The following C2CD5 variants were observed in gnomAD, a reference collection of about 807,000 sequenced individuals.
C2CD5 encodes the protein C2 calcium dependent domain containing 5, also known as C2 domain-containing protein 5.
A neutral mutation model predicts 130.3 loss-of-function variants in C2CD5; 109 were observed. The observed-to-expected ratio is 0.84, with a 90% confidence interval of 0.72 to 0.98. C2CD5 has a LOEUF of 0.98. Ranked by LOEUF, C2CD5 falls within the 50% of genes least tolerant of loss-of-function variation. The pLI, the probability that C2CD5 is intolerant of heterozygous loss-of-function variation, is 0.00. For missense variants in C2CD5, 996 were observed against 1,261.8 expected, an observed-to-expected ratio of 0.79 and a Z score of 3.19; for synonymous variants, 454 against 429.2, an observed-to-expected ratio of 1.06 and a Z score of -0.71.
Position 22,472,823 on chromosome 12 carries a change from A to T in C2CD5, c.2044-16T>A. 1 of 1,397,574 alleles carries T rather than the reference A, an allele frequency of 7.2e-7. No homozygotes were observed. Among genetic ancestry groups the T allele is most frequent in the Non-Finnish European group, 1.0e-6 (1 of 983,912 alleles). The allele number at this position is 1,397,574 out of a possible 1,614,324, so 86.6% of individuals were successfully genotyped here. A position where few individuals can be genotyped will look rare whatever the true frequency, so the allele number is the denominator to read the frequency against. On this transcript the variant is annotated splice_polypyrimidine_tract_variant and intron_variant, in intron 16 of 26. Coordinates refer to ENST00000446597, the MANE Select transcript of C2CD5 (RefSeq NM_001286176.2). Reference sequence around the variant, plus strand: ...TGTCATCAATCTTAAAATAGAGATTAAAACTATTTTATAAGTAGTAAATGC... The same window carrying T: ...TGTCATCAATCTTAAAATAGAGATTTAAACTATTTTATAAGTAGTAAATGC...
rs145941265 is a variant in C2CD5 at position 22,478,340 on chromosome 12, G to A, written c.1875C>T (p.Asn625=). The change falls in exon 15 of 27, where the codon AAC becomes AAT. Residue 625 remains asparagine, a synonymous_variant. Coordinates refer to ENST00000446597, the MANE Select transcript of C2CD5 (RefSeq NM_001286176.2). ...GAGGATTGATTTCATATAACTCTTT[G>A]TTTTTAGCAATTGTGTCATTTATCT... ...QKKINDTIAK[N]KELYEINPPE... is the part of the protein sequence containing the mutation. 4.5e-5 allele frequency: 73 copies of A among 1,612,686 alleles called. No individual in the cohort carries two copies. The East Asian group carries it at 9.2e-4, about 20-fold the overall frequency.
In C2CD5 at chr12:22,466,447, C is replaced by T. The variant is rs534844307; in HGVS notation, c.2533+3262G>A. ...ACAGAGAAATCTTTTGAGCATTTAT[C>T]CCTAACACTCTTACCTTCCTCTCTT... On this transcript the variant is annotated intron_variant, in intron 22 of 26. Coordinates refer to ENST00000446597, the MANE Select transcript of C2CD5 (RefSeq NM_001286176.2). Among the ~76,000 whole-genome samples the T allele has an allele frequency of 2.0e-5, 3 of 152,170 alleles. No homozygotes were observed. In the South Asian group the frequency reaches 6.2e-4, roughly 32 times the overall value.
rs763656127 is a variant in C2CD5 at position 22,544,176 on chromosome 12, G to C, written c.-26C>G. The C allele has an allele frequency of 3.1e-6, 5 of 1,608,952 alleles. No homozygotes were observed. The Admixed American group carries it at 8.3e-5, about 27-fold the overall frequency. On this transcript the variant is annotated 5_prime_UTR_variant, in exon 2 of 27. Coordinates refer to ENST00000446597, the MANE Select transcript of C2CD5 (RefSeq NM_001286176.2). ...GGTCTCGGTTTCGGCCTCTTCTTGG[G>C]CTCCTGCAGAAACAAACAAACGAGT...
intron 7 of C2CD5, among the ~76,000 whole-genome samples, chr12:22,520,224 A>G (rs954381762): frequency 2.0e-5 from 3 of 152,186 alleles, no homozygotes; most frequent in Non-Finnish European, 4.4e-5. Flanking sequence ...CATATGAATC[A>G]TATGTGAGTA....
intron 7 of C2CD5, among the ~76,000 whole-genome samples, chr12:22,520,020 T>C (rs557077386): frequency 1.8e-4 from 28 of 152,152 alleles, no homozygotes; most frequent in Non-Finnish European, 4.1e-4. Flanking sequence ...TATCTATGTG[T>C]GTGTATACTT....
chr12:22,523,645 C>G, intron 6 of C2CD5, 21 bp from the exon 7 acceptor site: 1 of 1,585,076 alleles, frequency 6.3e-7, no homozygotes, highest in Admixed American at 1.7e-5. Flanking sequence ...TGGGAAATCT[C>G]ATTCTTGCTT....
At chr12:22,452,668 T>C (rs1320702861) in intron 26 of C2CD5, among the ~76,000 whole-genome samples, 3 of 152,210 alleles carry the variant, frequency 2.0e-5, no homozygotes, top group Non-Finnish European at 2.9e-5. Context: ...AAGTTTAGTA[T>C]ACCGTGAGTT....
At chr12:22,542,361 G>T (rs1448101183) in intron 2 of C2CD5, among the ~76,000 whole-genome samples, 1 of 152,234 alleles carries the variant, frequency 6.6e-6, no homozygotes, top group African/African-American at 2.4e-5. Context: ...GCAGTGACCT[G>T]CATTCAGCTT....
In C2CD5 at chr12:22,529,246, T is replaced by C. The variant is rs112548403; in HGVS notation, c.178-1354A>G. ...ATTTTGAATCCCAATCCATTCCAAA[T>C]CATCTGTCATCCAATGGCATTCTCT... On this transcript the variant is annotated intron_variant, in intron 3 of 26. Coordinates refer to ENST00000446597, the MANE Select transcript of C2CD5 (RefSeq NM_001286176.2). 9.1e-3 allele frequency among the ~76,000 whole-genome samples: 1,386 copies of C among 152,262 alleles called. 27 individuals are homozygous for C. Among genetic ancestry groups the C allele is most frequent in the African/African-American group, 0.032 (1,312 of 41,532 alleles).
chr12:22,530,113 C>CATATATATAT (rs1463327783), intron 3 of C2CD5, among the ~76,000 whole-genome samples: 1 of 51,460 alleles, frequency 1.9e-5, no homozygotes, highest in Non-Finnish European at 3.9e-5. Context: ...TATATATATA[C>CATATATATAT]ACACACACAC....
intron 1 of C2CD5, 70 bp downstream of exon 1, chr12:22,544,250 A>T (rs1461021287): frequency 3.3e-6 from 4 of 1,222,442 alleles, no homozygotes; most frequent in Non-Finnish European, 3.4e-6. Context: ...CGCGCGGGGT[A>T]ACTGACAGCG....
chr12:22,523,464 G>A lies in C2CD5; in HGVS notation c.762C>T (p.Phe254=), dbSNP rs1484437978. 3 of 1,613,856 alleles carry A rather than the reference G, an allele frequency of 1.9e-6. No homozygotes were observed. The highest frequency in any genetic ancestry group is 1.1e-5 in the South Asian group (1 of 91,074). The change falls in exon 7 of 27, where the codon TTC becomes TTT. Residue 254 remains phenylalanine, a synonymous_variant. Transcript: ENST00000446597. ...TGGATGGGGAATTACATGCAGGAAGGAATGCTGCTGGGCTACTTAATTTAT... is the reference window on the plus strand; with the variant it reads ...TGGATGGGGAATTACATGCAGGAAGAAATGCTGCTGGGCTACTTAATTTAT... ...TLDKLSSPAA[F]LPACNSPSKE...
intron 13 of C2CD5, 91 bp from the exon 14 acceptor site, chr12:22,482,834 A>C (rs1944921362): frequency 2.3e-6 from 2 of 876,396 alleles, no homozygotes; most frequent in Non-Finnish European, 3.7e-6. Flanking sequence ...GTGCTGAATA[A>C]AACATTTACT....
chr12:22,519,441 T>C (rs914145491), intron 7 of C2CD5, among the ~76,000 whole-genome samples: 1 of 152,144 alleles, frequency 6.6e-6, no homozygotes, highest in Non-Finnish European at 1.5e-5. Flanking sequence ...AGTATCCGAT[T>C]AATAAATTAA....
At chr12:22,451,832 A>T (rs567576228) in intron 26 of C2CD5, among the ~76,000 whole-genome samples, 2 of 152,310 alleles carry the variant, frequency 1.3e-5, no homozygotes, top group South Asian at 4.1e-4. Flanking sequence ...CTTGTATGAC[A>T]TATTAAGAAG....
intron 22 of C2CD5, 120 bp from the exon 23 acceptor site, chr12:22,459,662 T>C (rs1488596948): frequency 3.7e-6 from 2 of 535,728 alleles, no homozygotes; most frequent in African/African-American, 3.9e-5. Context: ...TATGGCTTCA[T>C]TGCAAAAGCA....
Position 22,449,825 on chromosome 12 carries a change from C to T in C2CD5, c.3091G>A (p.Val1031Met), listed in dbSNP as rs1224692722. Reference protein sequence around the residue: ...VFVRESDLEVVSSQQPTTNCQ... With the variant: ...VFVRESDLEVMSSQQPTTNCQ... ...TTGGTAGTAGGTTGCTGAGATGACA[C>T]CACTTCTAAGTCAGATTCACGAACA... Residue 1031 changes from valine to methionine, a missense_variant, in exon 27 of 27, where the codon GTG becomes ATG. By Grantham distance (21) the Val-to-Met change is conservative. Around this residue, in one of 9 missense-constraint regions of C2CD5, gnomAD observed 48 missense variants for 46.4 expected, o/e 1.03. Transcript: ENST00000446597. 8 of 1,611,528 alleles carry T rather than the reference C, an allele frequency of 5.0e-6. No individual in the cohort carries two copies. The highest frequency in any genetic ancestry group is 5.9e-6 in the Non-Finnish European group (7 of 1,178,016).
intron 25 of C2CD5, among the ~76,000 whole-genome samples, chr12:22,454,885 T>A (rs6487304): frequency 1.3e-5 from 2 of 152,076 alleles, no homozygotes; most frequent in South Asian, 4.1e-4. Flanking sequence ...GAATTCCATA[T>A]ATAATTGTAA....
intron 10 of C2CD5, among the ~76,000 whole-genome samples, chr12:22,497,015 A>C (rs1947105840): frequency 6.6e-6 from 1 of 152,116 alleles, no homozygotes. Flanking sequence ...TTTATATATC[A>C]GAAAATAACA....
Sources: gnomAD v4.1 joint callset for allele counts (sites outside exome capture counted in the v4.1 genomes callset) on GRCh38, gnomAD v4.1.1 for gene constraint, gnomAD v4.1.1 regional missense constraint, MANE v1.5 for transcripts, NCBI Gene and HGNC (gene_info 2026-07-23, HGNC 2026-07-21) for gene names.